Variants in PPP2R2C observed in about 807,000 individuals in gnomAD.
PPP2R2C encodes protein phosphatase 2 regulatory subunit Bgamma, also known as protein phosphatase 2, regulatory subunit B, gamma.
A neutral mutation model predicts 45.3 loss-of-function variants in PPP2R2C; 10 were observed. The observed-to-expected ratio is 0.22, with a 90% CI of 0.14 to 0.37. The LOEUF (loss-of-function observed/expected upper bound fraction) is 0.37. Among genes scored for constraint, PPP2R2C ranks in the 10% least tolerant of loss-of-function variants. The pLI is 1.00. For missense variants in PPP2R2C, 308 were observed against 619.7 expected, an observed-to-expected ratio of 0.50 and a Z score of 5.34; for synonymous variants, 257 against 245.4, an observed-to-expected ratio of 1.05 and a Z score of -0.44.
intron 1 of PPP2R2C, among the ~76,000 whole-genome samples, chr4:6,386,902 G>A (rs1716254720): frequency 6.6e-6 from 1 of 151,826 alleles, no homozygotes; most frequent in African/African-American, 2.4e-5. Flanking sequence ...ATTTAAAAAA[G>A]AACTAAATGA....
At chr4:6,402,663 C>G (rs1717494967) in intron 1 of PPP2R2C, among the ~76,000 whole-genome samples, 1 of 152,328 alleles carries the variant, frequency 6.6e-6, no homozygotes, top group South Asian at 2.1e-4. Context: ...TAAACAAGCA[C>G]CACATGGCAT....
chr4:6,398,677 A>C (rs1717216685), intron 1 of PPP2R2C, among the ~76,000 whole-genome samples: 1 of 152,192 alleles, frequency 6.6e-6, no homozygotes, highest in African/African-American at 2.4e-5. Flanking sequence ...GCCCCGTGGG[A>C]AACAGCAAGG....
rs56002128 is a variant in PPP2R2C at position 6,518,922 on chromosome 4, T to TAAAAAAAAAAAAAAAAAAA, written c.49+16330_49+16348dup. Among the ~76,000 whole-genome samples the TAAAAAAAAAAAAAAAAAAA allele has an allele frequency of 3.1e-4, 29 of 92,896 alleles. 1 individual carries two copies. Among genetic ancestry groups the TAAAAAAAAAAAAAAAAAAA allele is most frequent in the South Asian group, 6.4e-4 (2 of 3,138 alleles). 60.9% of individuals were successfully genotyped at this position (92,896 alleles called of 152,430 possible). On this transcript the variant is annotated intron_variant, in intron 2 of 9. Coordinates refer to the PPP2R2C transcript ENST00000506140. ...TGGGCAACAGAGCAAGACTCTGTCT[T>TAAAAAAAAAAAAAAAAAAA]AAAAAAAAAAAAAAAAAAAAAAAAA...
intron 1 of PPP2R2C, among the ~76,000 whole-genome samples, chr4:6,418,483 T>A (rs1029573512): frequency 6.6e-6 from 1 of 152,230 alleles, no homozygotes; most frequent in African/African-American, 2.4e-5. Context: ...CGCTTAAACA[T>A]CCTCCTCCTC....
Position 6,471,105 on chromosome 4 carries a change from C to T in PPP2R2C, c.70+1055G>A, listed in dbSNP as rs1297267491. Among the ~76,000 whole-genome samples the T allele has an allele frequency of 1.3e-5, 2 of 152,178 alleles. No individual in the cohort carries two copies. Among genetic ancestry groups the T allele is most frequent in the Non-Finnish European group, 2.9e-5 (2 of 68,020 alleles). On this transcript the variant is annotated intron_variant, in intron 1 of 8. Transcript: ENST00000382599. The surrounding 1 kb of genome is among the most constrained non-coding windows in gnomAD (Gnocchi z 5.6). ...CCTGGCCCACTCGGTCTCCCTGACA[C>T]AGGCACCCACGCGCACCTGCCCCGC...
chr4:6,419,461 A>G (rs1208087616), intron 1 of PPP2R2C, among the ~76,000 whole-genome samples: 2 of 152,028 alleles, frequency 1.3e-5, no homozygotes, highest in African/African-American at 2.4e-5. Context: ...AAGAAGAGAA[A>G]AGAAAAGAAA....
intron 1 of PPP2R2C, among the ~76,000 whole-genome samples, chr4:6,538,801 A>C (rs1724715344): frequency 6.6e-6 from 1 of 152,138 alleles, no homozygotes; most frequent in Non-Finnish European, 1.5e-5. Context: ...GCTCCCCCGC[A>C]CCGTCATGAA....
intron 2 of PPP2R2C, among the ~76,000 whole-genome samples, chr4:6,507,665 C>T (rs568872697): frequency 1.1e-3 from 171 of 152,364 alleles, no homozygotes; most frequent in African/African-American, 3.8e-3. Flanking sequence ...CTAGCTAAGC[C>T]TGGCCCAGAT....
rs528161263 is a variant in PPP2R2C at position 6,472,352 on chromosome 4, C to T, written c.-123G>A. ...TAGCAGGGGCGCGGGCCGCCGGGGC[C>T]CCGAAGGGAGGGCATCGCGGCAGGG... On this transcript the variant is annotated 5_prime_UTR_variant, in exon 1 of 9. Coordinates refer to ENST00000382599, the MANE Select transcript of PPP2R2C (RefSeq NM_020416.4). 19,300 of 1,234,168 alleles carry T rather than the reference C, an allele frequency of 0.016. 171 individuals are homozygous for T. The highest frequency in any genetic ancestry group is 0.018 in the Non-Finnish European group (17,427 of 985,414). The allele number at this position is 1,234,168 out of a possible 1,614,324, so 76.5% of individuals were successfully genotyped here.
intron 8 of PPP2R2C, among the ~76,000 whole-genome samples, chr4:6,326,705 G>A (rs867889217): frequency 6.6e-6 from 1 of 152,248 alleles, no homozygotes; most frequent in Non-Finnish European, 1.5e-5. Flanking sequence ...GCTTCCTCAA[G>A]CACACGGTGG....
chr4:6,402,315 C>G (rs1717469769), intron 1 of PPP2R2C, among the ~76,000 whole-genome samples: 1 of 152,200 alleles, frequency 6.6e-6, no homozygotes, highest in Non-Finnish European at 1.5e-5. Flanking sequence ...ACAAGCGGCC[C>G]CATTTCCCCA....
intron 2 of PPP2R2C, among the ~76,000 whole-genome samples, chr4:6,528,024 G>A (rs1560604094): frequency 1.3e-5 from 2 of 152,246 alleles, no homozygotes; most frequent in Admixed American, 6.5e-5. Flanking sequence ...AGGATAAGAC[G>A]ATGAAGAATC....
chr4:6,465,385 C>T (rs1252212330), intron 1 of PPP2R2C, among the ~76,000 whole-genome samples: 1 of 152,138 alleles, frequency 6.6e-6, no homozygotes, highest in Non-Finnish European at 1.5e-5. Context: ...TAGGGAAGAG[C>T]TGCCCAATGG....
chr4:6,335,361 G>A (rs574127647), intron 6 of PPP2R2C, among the ~76,000 whole-genome samples: 1 of 152,288 alleles, frequency 6.6e-6, no homozygotes, highest in African/African-American at 2.4e-5. Context: ...AAGTTGGGGA[G>A]AGATTGGTGG....
intron 1 of PPP2R2C, among the ~76,000 whole-genome samples, chr4:6,410,107 G>C (rs1718063355): frequency 6.6e-6 from 1 of 152,198 alleles, no homozygotes; most frequent in Admixed American, 6.5e-5. Flanking sequence ...CTGCTCAGAA[G>C]CAGGATCCCA....
intron 1 of PPP2R2C, among the ~76,000 whole-genome samples, chr4:6,448,446 C>G (rs1046702147): frequency 2.0e-5 from 3 of 152,124 alleles, no homozygotes; most frequent in Non-Finnish European, 4.4e-5. Context: ...TTCCTGCCCC[C>G]ACCAGGGCCG....
At chr4:6,381,560 A>T (rs906164903) in intron 1 of PPP2R2C, 1 of 1,415,350 alleles carries the variant, frequency 7.1e-7, no homozygotes, top group African/African-American at 1.4e-5. Flanking sequence ...GGGCCCACTC[A>T]GGGCTTCCCA....
intron 1 of PPP2R2C, among the ~76,000 whole-genome samples, chr4:6,553,500 A>G (rs1353142906): frequency 6.6e-6 from 1 of 152,208 alleles, no homozygotes; most frequent in Non-Finnish European, 1.5e-5. Flanking sequence ...ACGCCACTTC[A>G]GATGCCTGCC....
chr4:6,481,457 A>C (rs372453869), intron 2 of PPP2R2C, among the ~76,000 whole-genome samples: 3 of 152,282 alleles, frequency 2.0e-5, no homozygotes, highest in South Asian at 4.1e-4. Context: ...TTTCTATACG[A>C]AGTTCCCATA....
Sources: gnomAD v4.1 joint callset for allele counts (sites outside exome capture counted in the v4.1 genomes callset) on GRCh38, gnomAD v4.1.1 for gene constraint, Gnocchi (gnomAD v3.1) non-coding constraint, MANE v1.5 for transcripts, NCBI Gene and HGNC (gene_info 2026-07-23, HGNC 2026-07-21) for gene names.